L3MBTL4: variants seen among roughly 807,000 people sequenced by gnomAD.
L3MBTL4 encodes the protein lethal(3)malignant brain tumor-like protein 4.
In L3MBTL4, 70 loss-of-function variants were observed where a neutral mutation model predicts 84.5. The observed-to-expected ratio is 0.83, with a 90% CI of 0.68 to 1.01. L3MBTL4 has a LOEUF of 1.01. Ranked by LOEUF, L3MBTL4 falls within the 50% of genes least tolerant of loss-of-function variation. The pLI is 0.00. For synonymous variants in L3MBTL4, 274 were observed against 259.8 expected (o/e 1.05, Z -0.52); for missense variants, 715 against 754.8 (o/e 0.95, Z 0.62).
chr18:6,192,001 C>G (rs1176608531), intron 12 of L3MBTL4, among the ~76,000 whole-genome samples: 1 of 147,360 alleles, frequency 6.8e-6, no homozygotes, highest in Non-Finnish European at 1.5e-5. Context: ...CCTCCTCCCC[C>G]CCCTCAAAAA....
At chr18:6,285,483 A>AGT (rs146666645) in intron 4 of L3MBTL4, among the ~76,000 whole-genome samples, 1,806 of 151,116 alleles carry the variant, frequency 0.012, 42 homozygotes, top group African/African-American at 0.039. Flanking sequence ...AGTGCTATAA[A>AGT]GTGTGTGTGT....
At chr18:6,100,025 A>C (rs1375572933) in intron 14 of L3MBTL4, among the ~76,000 whole-genome samples, 1 of 152,170 alleles carries the variant, frequency 6.6e-6, no homozygotes, top group Non-Finnish European at 1.5e-5. Context: ...TAAATTAAGC[A>C]TTGTAATCCG....
At chr18:6,269,020 C>G (rs1468741998) in intron 4 of L3MBTL4, among the ~76,000 whole-genome samples, 1 of 152,146 alleles carries the variant, frequency 6.6e-6, no homozygotes, top group African/African-American at 2.4e-5. Flanking sequence ...CCACTAGACA[C>G]CGCTGACTCA....
intron 12 of L3MBTL4, among the ~76,000 whole-genome samples, chr18:6,204,281 G>T (rs531902881): frequency 5.9e-5 from 9 of 152,328 alleles, no homozygotes; most frequent in Admixed American, 3.9e-4. Flanking sequence ...CAGGACTCTA[G>T]ATGGAGTCCT....
intron 1 of L3MBTL4, among the ~76,000 whole-genome samples, chr18:6,363,800 G>A (rs1004948024): frequency 2.0e-5 from 3 of 152,060 alleles, no homozygotes; most frequent in Non-Finnish European, 4.4e-5. Context: ...ATGCTGCTCC[G>A]AATCACACTG....
intron 10 of L3MBTL4, among the ~76,000 whole-genome samples, chr18:6,231,159 A>T (rs906771523): frequency 2.0e-5 from 3 of 152,178 alleles, no homozygotes; most frequent in African/African-American, 7.2e-5. Context: ...GCCAGGGCCT[A>T]TATCCAGGAT....
chr18:6,220,802 A>T lies in L3MBTL4; in HGVS notation c.785-4967T>A, dbSNP rs73385915. Among the ~76,000 whole-genome samples, 745 of 152,312 alleles carry T rather than the reference A, an allele frequency of 4.9e-3. 10 individuals carry two copies. The highest frequency in any genetic ancestry group is 0.017 in the African/African-American group (719 of 41,566). The stretch of plus-strand genomic sequence containing the variant: ...ATTTTGGTGGCCAAGAATGATAGAG[A>T]TACAAGCCAAAATGATACCAGTCTA... On this transcript the variant is annotated intron_variant, in intron 10 of 18. Coordinates refer to ENST00000317931, the MANE Select transcript of L3MBTL4 (RefSeq NM_001330559.2).
chr18:6,087,656 T>C (rs552014327), intron 15 of L3MBTL4, among the ~76,000 whole-genome samples: 2 of 152,322 alleles, frequency 1.3e-5, no homozygotes, highest in South Asian at 4.1e-4. Context: ...TACTGAGTAT[T>C]ATCTTAGACC....
At position 5,963,473 on chromosome 18, in the gene L3MBTL4, A is replaced by G. The variant is rs551629260; in HGVS notation, c.1615-3317T>C. On this transcript the variant is annotated intron_variant, in intron 17 of 18. Coordinates refer to ENST00000317931, the MANE Select transcript of L3MBTL4 (RefSeq NM_001330559.2). ...CGTGGTGGCCTCCACCTGGCCCGCA[A>G]GCAGCACCTGCCACCTCCACCTCAT... Among the ~76,000 whole-genome samples, 5 of 152,290 alleles carry G rather than the reference A, an allele frequency of 3.3e-5. No homozygotes were observed. In the East Asian group the frequency reaches 5.8e-4, roughly 18 times the overall value.
chr18:6,128,878 G>A (rs1189959055), intron 14 of L3MBTL4, among the ~76,000 whole-genome samples: 2 of 152,066 alleles, frequency 1.3e-5, no homozygotes, highest in African/African-American at 4.8e-5. Context: ...AAGGGCAGAG[G>A]GCTATCTTTG....
At chr18:6,062,297 C>G (rs1235161554) in intron 16 of L3MBTL4, among the ~76,000 whole-genome samples, 1 of 151,974 alleles carries the variant, frequency 6.6e-6, no homozygotes, top group African/African-American at 2.4e-5. Flanking sequence ...ACATTTCGCT[C>G]TACTCTCTTC....
At chr18:6,211,945 G>T (rs576699873) in intron 12 of L3MBTL4, among the ~76,000 whole-genome samples, 4 of 152,068 alleles carry the variant, frequency 2.6e-5, no homozygotes, top group Admixed American at 6.5e-5. Flanking sequence ...CACTGTGCCC[G>T]GCCTACTTTT....
chr18:6,372,996 A>AT lies in L3MBTL4; in HGVS notation c.-91+41804dup, dbSNP rs1426976890. On this transcript the variant is annotated intron_variant, in intron 1 of 18. Coordinates refer to ENST00000317931, the MANE Select transcript of L3MBTL4 (RefSeq NM_001330559.2). ...TGCAAAGCACATTTAAATATACACT[A>AT]TTTTTTCCTTTTTGAAAACTGTCAT... Among the ~76,000 whole-genome samples the AT allele has an allele frequency of 1.4e-4, 22 of 152,274 alleles. No individual in the cohort carries two copies. The East Asian group carries it at 4.0e-3, about 28-fold the overall frequency.
At chr18:6,176,952 G>C (rs1278718530) in intron 12 of L3MBTL4, among the ~76,000 whole-genome samples, 2 of 152,148 alleles carry the variant, frequency 1.3e-5, no homozygotes, top group East Asian at 1.9e-4. Context: ...ATACCCACTC[G>C]AGTGATTTAA....
At chr18:6,185,520 G>A (rs959895667) in intron 12 of L3MBTL4, among the ~76,000 whole-genome samples, 18 of 152,222 alleles carry the variant, frequency 1.2e-4, no homozygotes, top group Admixed American at 1.0e-3. Context: ...GGAGGGTGGT[G>A]CTCCTGCTTG....
intron 4 of L3MBTL4, among the ~76,000 whole-genome samples, chr18:6,291,607 T>C (rs990822151): frequency 9.2e-5 from 14 of 152,264 alleles, no homozygotes; most frequent in South Asian, 2.1e-4. Context: ...GAAAGGACAT[T>C]CGCTTCAATA....
chr18:6,005,724 T>C (rs1211881227), intron 16 of L3MBTL4, among the ~76,000 whole-genome samples: 11 of 152,224 alleles, frequency 7.2e-5, no homozygotes, highest in Admixed American at 7.2e-4. Context: ...ACATCGTCTT[T>C]ATCCAGTCTA....
At chr18:6,356,291 C>G (rs143723829) in intron 1 of L3MBTL4, among the ~76,000 whole-genome samples, 1 of 152,346 alleles carries the variant, frequency 6.6e-6, no homozygotes, top group East Asian at 1.9e-4. Context: ...GGCCAAACCT[C>G]GAAGAGGAGA....
intron 16 of L3MBTL4, among the ~76,000 whole-genome samples, chr18:6,053,986 C>A (rs527588343): frequency 6.6e-6 from 1 of 152,276 alleles, no homozygotes; most frequent in East Asian, 1.9e-4. Context: ...CCTGTTTTTG[C>A]CAGGTGCTAG....
Sources: allele counts gnomAD v4.1 joint callset (sites outside exome capture counted in the v4.1 genomes callset), GRCh38; gene constraint gnomAD v4.1.1; transcripts MANE v1.5; gene names NCBI Gene and HGNC (gene_info 2026-07-23, HGNC 2026-07-21).